Variants in VWF observed in about 807,000 individuals in gnomAD.
VWF encodes the protein Factor VIII related antigen.
Under a neutral mutation model 308.6 loss-of-function variants are expected in VWF, and 176 were observed. The observed-to-expected ratio is 0.57, with a 90% CI of 0.50 to 0.65. The LOEUF is 0.65. Ranked by LOEUF, VWF falls within the 30% of genes least tolerant of loss-of-function variation. The pLI, the probability that VWF is intolerant of heterozygous loss-of-function variation, is 0.00. For missense variants in VWF, 3,146 were observed against 3,648.2 expected (o/e 0.86, Z 3.55); for synonymous variants, 1,385 against 1,443.4 (o/e 0.96, Z 0.92).
At chr12:6,079,718 A>T (rs1459005945) in intron 6 of VWF, among the ~76,000 whole-genome samples, 1 of 152,150 alleles carries the variant, frequency 6.6e-6, no homozygotes, top group Non-Finnish European at 1.5e-5. Context: ...CTCAACAAGC[A>T]TTAGCAGTGT....
chr12:6,059,516 G>A (rs78985485), intron 13 of VWF, among the ~76,000 whole-genome samples: 256 of 152,320 alleles, frequency 1.7e-3, no homozygotes, highest in Middle Eastern at 0.01. Context: ...TGGAATCTGG[G>A]AAGTCCAAGA....
At chr12:5,965,725 C>T (rs571010616) in intron 47 of VWF, among the ~76,000 whole-genome samples, 5 of 152,272 alleles carry the variant, frequency 3.3e-5, no homozygotes, top group Admixed American at 3.3e-4. Flanking sequence ...ACCACAGCTA[C>T]CCCCAACCCA....
chr12:6,120,876 TTCA>T (rs1230512395), intron 3 of VWF, among the ~76,000 whole-genome samples: 1 of 152,024 alleles, frequency 6.6e-6, no homozygotes, highest in Admixed American at 6.6e-5. Context: ...CCTTCTCTAG[TTCA>T]TCATTTGCCT....
At chr12:6,008,345 CAGAT>C (rs1214973333) in intron 34 of VWF, among the ~76,000 whole-genome samples, 3 of 152,124 alleles carry the variant, frequency 2.0e-5, no homozygotes, top group Non-Finnish European at 2.9e-5. Context: ...ATTTATCCCT[CAGAT>C]AGGAGAATGG....
intron 38 of VWF, among the ~76,000 whole-genome samples, chr12:5,987,271 G>T (rs1335084713): frequency 6.6e-6 from 1 of 152,070 alleles, no homozygotes; most frequent in African/African-American, 2.4e-5. Context: ...GCCTCCCACA[G>T]GTAACTAATA....
At chr12:5,982,523 C>G (rs1289117723) in intron 41 of VWF, among the ~76,000 whole-genome samples, 1 of 152,188 alleles carries the variant, frequency 6.6e-6, no homozygotes, top group Non-Finnish European at 1.5e-5. Flanking sequence ...GTCCCTGTGT[C>G]CTTTGCCTGT....
At chr12:6,039,507 C>A (rs927467896) in intron 18 of VWF, among the ~76,000 whole-genome samples, 1 of 152,180 alleles carries the variant, frequency 6.6e-6, no homozygotes, top group Non-Finnish European at 1.5e-5. Context: ...CAGAAGCTTG[C>A]GAGGAGGAGA....
intron 16 of VWF, among the ~76,000 whole-genome samples, chr12:6,048,922 G>GC (rs1403454790): frequency 6.6e-6 from 1 of 152,036 alleles, no homozygotes; most frequent in Non-Finnish European, 1.5e-5. Flanking sequence ...AATTCCACCC[G>GC]CCCCCGTAAA....
intron 47 of VWF, among the ~76,000 whole-genome samples, chr12:5,955,076 A>C (rs1026693906): frequency 2.6e-5 from 4 of 152,208 alleles, no homozygotes; most frequent in African/African-American, 9.7e-5. Flanking sequence ...GAGTCTCTTC[A>C]ACATATCTTC....
At chr12:6,087,354 CTTTTTT>C (rs948166436) in intron 6 of VWF, among the ~76,000 whole-genome samples, 3 of 118,764 alleles carry the variant, frequency 2.5e-5, no homozygotes, top group Non-Finnish European at 3.4e-5. Flanking sequence ...AGACTTAACT[CTTTTTT>C]TTTTTTTTTT....
chr12:6,070,120 C>T (rs1435263357), intron 10 of VWF, among the ~76,000 whole-genome samples: 1 of 152,214 alleles, frequency 6.6e-6, no homozygotes, highest in African/African-American at 2.4e-5. Flanking sequence ...ATATGTCTTC[C>T]AAAGAGCTCC....
At chr12:6,050,730 C>CG (rs1223407398) in intron 16 of VWF, among the ~76,000 whole-genome samples, 1 of 152,150 alleles carries the variant, frequency 6.6e-6, no homozygotes, top group Non-Finnish European at 1.5e-5. Context: ...GAGGCCGAGG[C>CG]GGGCAGATCA....
intron 5 of VWF, among the ~76,000 whole-genome samples, chr12:6,103,540 A>ATG (rs1407656857): frequency 9.4e-6 from 1 of 106,380 alleles, no homozygotes; most frequent in Admixed American, 1.1e-4. Context: ...ATACACATAT[A>ATG]TGTATACACA....
At chr12:6,088,323 T>G (rs112238685) in intron 6 of VWF, among the ~76,000 whole-genome samples, 2,621 of 151,810 alleles carry the variant, frequency 0.017, 73 homozygotes, top group African/African-American at 0.058. Context: ...CTAAAAAATA[T>G]AAAGAATTAA....
intron 43 of VWF, among the ~76,000 whole-genome samples, chr12:5,972,578 T>A (rs1189985856): frequency 1.3e-5 from 2 of 152,186 alleles, no homozygotes; most frequent in African/African-American, 4.8e-5. Context: ...GGGCCGAATC[T>A]GAAGATGCAC....
At chr12:6,026,898 G>A (rs1944199393) in intron 22 of VWF, among the ~76,000 whole-genome samples, 1 of 152,040 alleles carries the variant, frequency 6.6e-6, no homozygotes, top group Non-Finnish European at 1.5e-5. Flanking sequence ...ACAGTTAAAT[G>A]TCAACTAAAA....
intron 34 of VWF, among the ~76,000 whole-genome samples, chr12:6,004,174 G>A (rs568598631): frequency 1.3e-5 from 2 of 152,154 alleles, no homozygotes; most frequent in African/African-American, 2.4e-5. Flanking sequence ...AAATACTTAT[G>A]AATGTCAAAA....
chr12:6,071,186 G>C (rs1944776001), intron 10 of VWF, 111 bp downstream of exon 10: 2 of 1,319,300 alleles, frequency 1.5e-6, no homozygotes, highest in Non-Finnish European at 2.2e-6. Context: ...CCTGTGCAGA[G>C]AGGGCAACTT....
Position 6,016,677 on chromosome 12 carries a change from C to T in VWF, c.5171-21G>A, listed in dbSNP as rs137875257. ...AGGCCCTAAACGGAACGAGAAAATG[C>T]GGATTATTTTGAATCAAGTAGAGCC... On this transcript the variant is annotated intron_variant, in intron 29 of 51. Coordinates refer to ENST00000261405, the MANE Select transcript of VWF (RefSeq NM_000552.5). 6.1e-4 allele frequency: 989 copies of T among 1,614,186 alleles called. 11 individuals are homozygous for T. In the African/African-American group the frequency reaches 0.011, roughly 18 times the overall value.
Sources: gnomAD v4.1 joint callset for allele counts (sites outside exome capture counted in the v4.1 genomes callset) on GRCh38, gnomAD v4.1.1 for gene constraint, MANE v1.5 for transcripts, NCBI Gene and HGNC (gene_info 2026-07-23, HGNC 2026-07-21) for gene names.